Variants in PACSIN2 observed in about 807,000 individuals in gnomAD.
The protein encoded by PACSIN2 is protein kinase C and casein kinase substrate in neurons 2.
Under a neutral mutation model 63.8 loss-of-function variants are expected in PACSIN2, and 25 were observed. That is an observed-to-expected ratio of 0.39 (90% confidence interval 0.29 to 0.55). The LOEUF (loss-of-function observed/expected upper bound fraction) is 0.55, where lower values mean the gene tolerates loss of function less well. Among genes scored for constraint, PACSIN2 ranks in the 20% least tolerant of loss-of-function variants. The pLI, the probability that PACSIN2 is intolerant of heterozygous loss-of-function variation, is 0.62. For synonymous variants in PACSIN2, 255 were observed against 256.2 expected (o/e 1.00, Z 0.05); for missense variants, 518 against 646.9 (o/e 0.80, Z 2.16).
At chr22:42,995,135 A>G (rs977251174) in intron 1 of PACSIN2, among the ~76,000 whole-genome samples, 11 of 152,244 alleles carry the variant, frequency 7.2e-5, no homozygotes, top group African/African-American at 1.2e-4. Flanking sequence ...TGGACACTGC[A>G]ACGTTTAACT....
At chr22:42,877,554 G>A (rs1928739142) in intron 8 of PACSIN2, among the ~76,000 whole-genome samples, 1 of 152,168 alleles carries the variant, frequency 6.6e-6, no homozygotes, top group African/African-American at 2.4e-5. Context: ...CAGGGCCAGG[G>A]CCTGCGGCAC....
intron 1 of PACSIN2, among the ~76,000 whole-genome samples, chr22:42,966,545 C>T (rs1436724804): frequency 6.6e-6 from 1 of 152,210 alleles, no homozygotes; most frequent in Non-Finnish European, 1.5e-5. Context: ...AGCTTCTTTG[C>T]TTCTCTGGCA....
At chr22:42,950,234 T>G (rs1933620913) in intron 1 of PACSIN2, among the ~76,000 whole-genome samples, 1 of 152,050 alleles carries the variant, frequency 6.6e-6, no homozygotes, top group African/African-American at 2.4e-5. Flanking sequence ...TAAAGAATAC[T>G]GAAGAGTATA....
intron 1 of PACSIN2, among the ~76,000 whole-genome samples, chr22:42,963,314 C>T (rs574358327): frequency 5.9e-5 from 9 of 152,258 alleles, no homozygotes; most frequent in Admixed American, 1.3e-4. Context: ...TGGATTAAGG[C>T]GGAAGAAAAT....
At chr22:42,940,633 C>G (rs1430114293) in intron 1 of PACSIN2, among the ~76,000 whole-genome samples, 1 of 152,308 alleles carries the variant, frequency 6.6e-6, no homozygotes, top group African/African-American at 2.4e-5. Context: ...TCCTGGGTTT[C>G]CCTATACCCA....
intron 1 of PACSIN2, among the ~76,000 whole-genome samples, chr22:42,916,558 C>G (rs1410419703): frequency 6.6e-6 from 1 of 152,080 alleles, no homozygotes; most frequent in Non-Finnish European, 1.5e-5. Context: ...CACGGCACGC[C>G]GCACCAGCCT....
At position 43,007,554 on chromosome 22, in the gene PACSIN2, T is replaced by TG. The variant is rs567586974; in HGVS notation, c.-78+7466dup. Among the ~76,000 whole-genome samples, 456 of 152,272 alleles carry TG rather than the reference T, an allele frequency of 3.0e-3. 1 individual carries two copies. The highest frequency in any genetic ancestry group is 5.0e-3 in the Non-Finnish European group (342 of 68,002). On this transcript the variant is annotated intron_variant, in intron 1 of 10. Coordinates refer to ENST00000263246, the MANE Select transcript of PACSIN2 (RefSeq NM_001184970.3). Reference sequence around the variant, plus strand: ...CAGAGCTCTGTAGCTCTGCCCAGAATGGTCCTTCACGTCAGCCCCACCTGG... The same window carrying TG: ...CAGAGCTCTGTAGCTCTGCCCAGAATGGGTCCTTCACGTCAGCCCCACCTGG...
intron 1 of PACSIN2, among the ~76,000 whole-genome samples, chr22:42,919,853 C>T (rs6002978): frequency 0.2 from 28,946 of 148,038 alleles, 4,912 homozygotes; most frequent in East Asian, 0.73. Flanking sequence ...CGGTGGTTCA[C>T]GCCTGGAAAT....
chr22:42,961,122 C>T (rs1192101345), intron 1 of PACSIN2, among the ~76,000 whole-genome samples: 4 of 152,122 alleles, frequency 2.6e-5, no homozygotes, highest in African/African-American at 9.7e-5. Flanking sequence ...TGGGAAAATA[C>T]GTAATTGGCA....
rs145687758 is a variant in PACSIN2, at chr22:43,003,394, G to A, written c.-78+11627C>T. On this transcript the variant is annotated intron_variant, in intron 1 of 10. Transcript: ENST00000263246. ...GGCCAAGGCAGGCGGATCACGTCAG[G>A]AGATAGAGACCATCCTGGCTAACAC... Among the ~76,000 whole-genome samples the A allele has an allele frequency of 5.9e-3, 905 of 152,332 alleles. 9 individuals carry two copies. The highest frequency in any genetic ancestry group is 0.02 in the African/African-American group (831 of 41,570).
At chr22:42,890,845 C>T in intron 4 of PACSIN2, 102 bp downstream of exon 4, 2 of 877,468 alleles carry the variant, frequency 2.3e-6, no homozygotes, top group Non-Finnish European at 1.8e-6. Context: ...GCCTCCTGTG[C>T]CTACAGCCAG....
At chr22:42,903,945 C>G (rs560518064) in intron 2 of PACSIN2, among the ~76,000 whole-genome samples, 1 of 152,280 alleles carries the variant, frequency 6.6e-6, no homozygotes, top group East Asian at 1.9e-4. Context: ...CCTGAAAGCA[C>G]CCCTTGCCGT....
intron 1 of PACSIN2, among the ~76,000 whole-genome samples, chr22:42,960,632 G>C (rs1013939302): frequency 2.0e-5 from 3 of 152,196 alleles, no homozygotes; most frequent in Non-Finnish European, 4.4e-5. Flanking sequence ...AATACATGCT[G>C]TACGATTCCC....
At chr22:42,971,451 G>A (rs1252527915) in intron 1 of PACSIN2, among the ~76,000 whole-genome samples, 1 of 152,218 alleles carries the variant, frequency 6.6e-6, no homozygotes, top group Admixed American at 6.5e-5. Flanking sequence ...CCACCTCCCA[G>A]CCGCCTGCCT....
chr22:42,892,042 G>A (rs1311327196), intron 3 of PACSIN2, among the ~76,000 whole-genome samples: 2 of 152,232 alleles, frequency 1.3e-5, no homozygotes, highest in Non-Finnish European at 2.9e-5. Flanking sequence ...TCCTGCAGGA[G>A]GAAGGAGAGG....
intron 3 of PACSIN2, 44 bp from the exon 4 acceptor site, chr22:42,891,226 G>T (rs1381693900): frequency 7.3e-7 from 1 of 1,360,726 alleles, no homozygotes; most frequent in Admixed American, 1.7e-5. Flanking sequence ...CGCCGGCCAT[G>T]GTGGGGTCTG....
chr22:42,912,338 G>C (rs2146722077), intron 1 of PACSIN2, among the ~76,000 whole-genome samples, 181 bp from the exon 2 acceptor site: 1 of 152,318 alleles, frequency 6.6e-6, no homozygotes, highest in African/African-American at 2.4e-5. Context: ...ATATGTGTAT[G>C]TCTGTGTGTG....
rs755693990 is a variant in PACSIN2, at chr22:42,877,015, G to GGA, written c.1029-7_1029-6dup. On this transcript the variant is annotated splice_polypyrimidine_tract_variant and splice_region_variant and intron_variant, in intron 8 of 10. Coordinates refer to ENST00000263246, the MANE Select transcript of PACSIN2 (RefSeq NM_001184970.3). Reference sequence around the variant, plus strand: ...TTGCTCGGGACATTAAGGGTGCTATGGAGAGAGAGAGCTTTCAGGGGATCC... The same window carrying GGA: ...TTGCTCGGGACATTAAGGGTGCTATGGAGAGAGAGAGAGCTTTCAGGGGATCC... 3.1e-6 allele frequency: 5 copies of GGA among 1,613,758 alleles called. No individual in the cohort carries two copies. The highest frequency in any genetic ancestry group is 1.7e-5 in the Admixed American group (1 of 59,994).
chr22:42,978,932 A>G (rs1921884888), intron 1 of PACSIN2, among the ~76,000 whole-genome samples: 1 of 152,148 alleles, frequency 6.6e-6, no homozygotes, highest in African/African-American at 2.4e-5. Context: ...TGAGTCTATG[A>G]GGTCACTCCA....
Sources: gnomAD v4.1 joint callset for allele counts (sites outside exome capture counted in the v4.1 genomes callset) on GRCh38, gnomAD v4.1.1 for gene constraint, MANE v1.5 for transcripts, NCBI Gene and HGNC (gene_info 2026-07-23, HGNC 2026-07-21) for gene names.